PDGFD: variants seen among roughly 807,000 people sequenced by gnomAD.
The protein encoded by PDGFD is platelet-derived growth factor D.
In PDGFD, 30 loss-of-function variants were observed where a neutral mutation model predicts 44.7. The ratio of observed to expected loss-of-function variants is 0.67; its 90% CI spans 0.50 to 0.91. The LOEUF is 0.91. PDGFD is among the 40% of genes least tolerant of loss of function. PDGFD has a pLI of 0.00. For missense variants in PDGFD, 445 were observed against 457.8 expected (o/e 0.97, Z 0.25); for synonymous variants, 173 against 168.4 (o/e 1.03, Z -0.21).
chr11:104,065,726 C>G (rs1199450622), intron 1 of PDGFD, among the ~76,000 whole-genome samples: 1 of 152,140 alleles, frequency 6.6e-6, no homozygotes, highest in Non-Finnish European at 1.5e-5. Flanking sequence ...CTTTGTTCCA[C>G]CTTCATCAAG....
intron 1 of PDGFD, among the ~76,000 whole-genome samples, chr11:104,001,453 C>A (rs1163997592): frequency 1.3e-5 from 2 of 152,178 alleles, no homozygotes; most frequent in African/African-American, 4.8e-5. Context: ...AAATATCAAA[C>A]CTGGGGGTTT....
intron 1 of PDGFD, among the ~76,000 whole-genome samples, chr11:104,041,984 G>A (rs1393377246): frequency 6.6e-6 from 1 of 152,184 alleles, no homozygotes; most frequent in Non-Finnish European, 1.5e-5. Flanking sequence ...AGTGATGAGA[G>A]TGATCTGGGA....
intron 1 of PDGFD, among the ~76,000 whole-genome samples, chr11:104,116,768 T>C (rs896573056): frequency 2.6e-5 from 4 of 151,964 alleles, no homozygotes; most frequent in Admixed American, 1.3e-4. Context: ...GGTAATTGAA[T>C]CATAGGGGCC....
chr11:103,948,542 G>T (rs2134326329), intron 3 of PDGFD, among the ~76,000 whole-genome samples: 1 of 152,314 alleles, frequency 6.6e-6, no homozygotes, highest in Middle Eastern at 3.4e-3. Flanking sequence ...AACTAATTCT[G>T]TCATTTTTAC....
At chr11:103,966,458 T>C (rs139726137) in intron 3 of PDGFD, among the ~76,000 whole-genome samples, 1 of 152,268 alleles carries the variant, frequency 6.6e-6, no homozygotes, top group African/African-American at 2.4e-5. Flanking sequence ...ACTATCTTTT[T>C]AAGAGCAACA....
At chr11:103,983,775 CA>C (rs2134353250) in intron 3 of PDGFD, among the ~76,000 whole-genome samples, 1 of 151,872 alleles carries the variant, frequency 6.6e-6, no homozygotes, top group South Asian at 2.1e-4. Flanking sequence ...AGACACTTTT[CA>C]AAAGAAGACA....
chr11:103,946,140 TAA>T (rs541698592), intron 4 of PDGFD: 122 of 150,726 alleles, frequency 8.1e-4, no homozygotes, highest in African/African-American at 3.0e-3. Context: ...TTTAAAATGA[TAA>T]CAATTTGTAA....
intron 1 of PDGFD, among the ~76,000 whole-genome samples, chr11:104,094,926 T>C (rs1018213594): frequency 1.3e-5 from 2 of 152,164 alleles, no homozygotes; most frequent in African/African-American, 4.8e-5. Context: ...TTGCATGATG[T>C]GACCCCTGCT....
At chr11:103,972,469 T>C (rs1193394052) in intron 3 of PDGFD, among the ~76,000 whole-genome samples, 1 of 152,154 alleles carries the variant, frequency 6.6e-6, no homozygotes, top group Non-Finnish European at 1.5e-5. Flanking sequence ...CAGCATTCTA[T>C]GGAGAAGGCA....
chr11:103,988,717 C>G (rs1320984411), intron 3 of PDGFD, among the ~76,000 whole-genome samples: 1 of 152,150 alleles, frequency 6.6e-6, no homozygotes, highest in Non-Finnish European at 1.5e-5. Context: ...TGTATGAGCT[C>G]TGTGACCACA....
At chr11:103,998,104 T>A (rs1429950189) in intron 2 of PDGFD, among the ~76,000 whole-genome samples, 1 of 152,180 alleles carries the variant, frequency 6.6e-6, no homozygotes, top group Non-Finnish European at 1.5e-5. Context: ...ATTGTAATAA[T>A]AAGAAATATA....
At chr11:104,003,604 T>C (rs535950136) in intron 1 of PDGFD, among the ~76,000 whole-genome samples, 1 of 152,212 alleles carries the variant, frequency 6.6e-6, no homozygotes, top group Non-Finnish European at 1.5e-5. Flanking sequence ...CTGGGCTCAG[T>C]GTGGTATTAT....
intron 6 of PDGFD, among the ~76,000 whole-genome samples, chr11:103,911,594 G>A (rs1305659421): frequency 2.6e-5 from 4 of 152,058 alleles, no homozygotes; most frequent in South Asian, 2.1e-4. Flanking sequence ...ACAACTCCTC[G>A]CCAGCAAGGG....
At chr11:104,086,022 G>A (rs182285533) in intron 1 of PDGFD, among the ~76,000 whole-genome samples, 2 of 152,258 alleles carry the variant, frequency 1.3e-5, no homozygotes, top group Admixed American at 6.5e-5. Context: ...ATTTTAAGCC[G>A]AAAGTGACAT....
At chr11:104,029,149 A>C (rs1399347129) in intron 1 of PDGFD, among the ~76,000 whole-genome samples, 1 of 152,226 alleles carries the variant, frequency 6.6e-6, no homozygotes, top group Non-Finnish European at 1.5e-5. Flanking sequence ...TTCAGAATAG[A>C]GAGACAACCT....
intron 5 of PDGFD, among the ~76,000 whole-genome samples, chr11:103,927,704 A>G (rs1474059238): frequency 6.6e-6 from 1 of 152,196 alleles, no homozygotes; most frequent in Non-Finnish European, 1.5e-5. Context: ...AATATGGTGC[A>G]TATTTGTGCA....
chr11:103,982,154 GGTAT>G (rs1859280780), intron 3 of PDGFD, among the ~76,000 whole-genome samples: 1 of 151,668 alleles, frequency 6.6e-6, no homozygotes, highest in Non-Finnish European at 1.5e-5. Flanking sequence ...AAGGGCCCTT[GGTAT>G]GCTGGTATGA....
intron 5 of PDGFD, among the ~76,000 whole-genome samples, chr11:103,932,912 C>A (rs1055595472): frequency 6.6e-6 from 1 of 152,006 alleles, no homozygotes. Context: ...TGGTGTAGTG[C>A]GAAAGTGTTA....
intron 1 of PDGFD, among the ~76,000 whole-genome samples, chr11:104,124,938 CAAT>C (rs1861822240): frequency 6.6e-6 from 1 of 152,032 alleles, no homozygotes; most frequent in Non-Finnish European, 1.5e-5. Flanking sequence ...GAGTCACAGA[CAAT>C]AATATTCAGA....
Sources: allele counts gnomAD v4.1 joint callset (sites outside exome capture counted in the v4.1 genomes callset), GRCh38; gene constraint gnomAD v4.1.1; transcripts MANE v1.5; gene names NCBI Gene and HGNC (gene_info 2026-07-23, HGNC 2026-07-21).